Variants in PRLR observed in about 807,000 individuals in gnomAD.
The protein encoded by PRLR is hPRL receptor.
Under a neutral mutation model 40.2 loss-of-function variants are expected in PRLR, and 13 were observed. The ratio of observed to expected loss-of-function variants is 0.32; its 90% CI spans 0.21 to 0.51. The LOEUF (loss-of-function observed/expected upper bound fraction) is 0.51, where lower values mean the gene tolerates loss of function less well. Ranked by LOEUF, PRLR falls within the 20% of genes least tolerant of loss-of-function variation. The probability of loss-of-function intolerance (pLI) is 0.97; values close to 1 mark genes in which losing one functional copy is unlikely to be tolerated. For missense variants in PRLR, 656 were observed against 747.3 expected (o/e 0.88, Z 1.42); for synonymous variants, 269 against 278.7 (o/e 0.97, Z 0.35).
At chr5:35,118,675 T>G (rs955917295) in intron 1 of PRLR, among the ~76,000 whole-genome samples, 1 of 152,154 alleles carries the variant, frequency 6.6e-6, no homozygotes, top group Non-Finnish European at 1.5e-5. Flanking sequence ...TCTTAACAAA[T>G]TCTGACATAG....
chr5:35,115,623 G>A (rs532582093), intron 2 of PRLR, among the ~76,000 whole-genome samples: 5 of 151,904 alleles, frequency 3.3e-5, no homozygotes, highest in African/African-American at 4.8e-5. Flanking sequence ...TGGGGGCCTG[G>A]GAAAGGGCTG....
At chr5:35,128,863 T>C (rs1352402870) in intron 1 of PRLR, among the ~76,000 whole-genome samples, 1 of 152,194 alleles carries the variant, frequency 6.6e-6, no homozygotes, top group East Asian at 1.9e-4. Flanking sequence ...CAGAGATAAT[T>C]GGCTCTCTGC....
intron 1 of PRLR, among the ~76,000 whole-genome samples, chr5:35,228,242 A>G (rs1487270421): frequency 7.5e-6 from 1 of 133,270 alleles, no homozygotes; most frequent in Non-Finnish European, 1.7e-5. Flanking sequence ...CAAAAAAAAA[A>G]AAAAAAAAAA....
chr5:35,178,264 A>G (rs1775201708), intron 1 of PRLR, among the ~76,000 whole-genome samples: 1 of 152,216 alleles, frequency 6.6e-6, no homozygotes, highest in African/African-American at 2.4e-5. Context: ...GTATTTCTAC[A>G]CACAGTAGAT....
intron 1 of PRLR, among the ~76,000 whole-genome samples, chr5:35,124,343 T>C (rs1034167878): frequency 1.3e-5 from 2 of 151,512 alleles, no homozygotes; most frequent in Non-Finnish European, 2.9e-5. Flanking sequence ...AATGGGCCAC[T>C]CTGGTAGGAG....
At chr5:35,203,827 A>T (rs1184046041) in intron 1 of PRLR, among the ~76,000 whole-genome samples, 1 of 129,474 alleles carries the variant, frequency 7.7e-6, no homozygotes, top group African/African-American at 2.6e-5. Context: ...CCAAAAGCTC[A>T]GCATTGCTAT....
chr5:35,165,393 C>CA (rs755924565), intron 1 of PRLR, among the ~76,000 whole-genome samples: 3 of 152,098 alleles, frequency 2.0e-5, no homozygotes, highest in East Asian at 1.9e-4. Context: ...TGCATTGTAC[C>CA]AATAGGCAAG....
At chr5:35,145,261 T>C (rs9292571) in intron 1 of PRLR, among the ~76,000 whole-genome samples, 129,418 of 152,092 alleles carry the variant, frequency 0.85, 56,683 homozygotes, top group South Asian at 0.96. Flanking sequence ...GGTTGTCCTG[T>C]GGGTGATTTA....
rs1300710778 is a variant in PRLR at position 35,086,210 on chromosome 5, T to C, written c.201A>G (p.Glu67=). 40 of 1,613,774 alleles carry C rather than the reference T, an allele frequency of 2.5e-5. No homozygotes were observed. The highest frequency in any genetic ancestry group is 3.4e-5 in the Non-Finnish European group (40 of 1,179,886). The part of the protein sequence containing the change: ...PTNYSLTYHR[E]GETLMHECPD... ...TAGGAGAGAAGGGAACTTCTTACCCTTCCCTGTGGTAAGTCAGTGAATAAT... is the reference window on the plus strand; with the variant it reads ...TAGGAGAGAAGGGAACTTCTTACCCCTCCCTGTGGTAAGTCAGTGAATAAT... The change falls in exon 4 of 10, where the codon GAA becomes GAG. Residue 67 remains glutamate (E), a splice_region_variant and synonymous_variant. Transcript: ENST00000618457.
At chr5:35,074,226 T>C (rs1406620547) in intron 5 of PRLR, among the ~76,000 whole-genome samples, 1 of 152,016 alleles carries the variant, frequency 6.6e-6, no homozygotes, top group Non-Finnish European at 1.5e-5. Flanking sequence ...TTTGGGAGGC[T>C]GAGGCAGGTG....
At chr5:35,212,109 G>A (rs1300547918) in intron 1 of PRLR, among the ~76,000 whole-genome samples, 2 of 152,130 alleles carry the variant, frequency 1.3e-5, no homozygotes, top group Non-Finnish European at 2.9e-5. Context: ...TAATATTTGA[G>A]GTCCACATTA....
Position 35,055,727 on chromosome 5 carries a change from C to T in PRLR, c.*9362G>A, listed in dbSNP as rs764755106. The T allele has an allele frequency of 3.9e-5, 6 of 152,048 alleles. No homozygotes were observed. The highest frequency in any genetic ancestry group is 1.4e-4 in the African/African-American group (6 of 41,386). The allele number at this position is 152,048 out of a possible 1,614,324, so 9.4% of individuals were successfully genotyped here. On this transcript the variant is annotated 3_prime_UTR_variant, in exon 10 of 10. Coordinates refer to ENST00000618457, the MANE Select transcript of PRLR (RefSeq NM_000949.7). ...TTGCTCAGGTAATAATTTATTAAGT[C>T]AATTTAAACTAAACATTACTACCAT...
chr5:35,195,147 C>T (rs1266640827), intron 1 of PRLR: 1 of 152,230 alleles, frequency 6.6e-6, no homozygotes, highest in Admixed American at 6.5e-5. Flanking sequence ...TTCAGAGTTC[C>T]CTGTCTGGCC....
intron 1 of PRLR, among the ~76,000 whole-genome samples, chr5:35,161,314 T>A (rs2111906192): frequency 6.6e-6 from 1 of 152,328 alleles, no homozygotes; most frequent in South Asian, 2.1e-4. Flanking sequence ...GAGCTGGTAA[T>A]AACTTCATTT....
intron 1 of PRLR, among the ~76,000 whole-genome samples, chr5:35,214,233 A>G (rs889186110): frequency 2.0e-5 from 3 of 152,164 alleles, no homozygotes; most frequent in Non-Finnish European, 2.9e-5. Flanking sequence ...TCCCTTGAGG[A>G]GTTTTCCTCC....
chr5:35,199,876 G>C (rs575993451), intron 1 of PRLR, among the ~76,000 whole-genome samples: 1 of 152,332 alleles, frequency 6.6e-6, no homozygotes, highest in Non-Finnish European at 1.5e-5. Flanking sequence ...ACTCAGGACT[G>C]AGTGAATATA....
downstream of PRLR, among the ~76,000 whole-genome samples, chr5:35,051,321 T>C (rs1366283716): frequency 6.6e-6 from 1 of 152,222 alleles, no homozygotes; most frequent in African/African-American, 2.4e-5. Context: ...AGATAATTTA[T>C]GTGGGGAAGA....
At chr5:35,106,173 T>G (rs1772234888) in intron 2 of PRLR, among the ~76,000 whole-genome samples, 1 of 152,162 alleles carries the variant, frequency 6.6e-6, no homozygotes, top group Non-Finnish European at 1.5e-5. Flanking sequence ...GACAAGCAAG[T>G]GCTGAGAGAT....
intron 1 of PRLR, among the ~76,000 whole-genome samples, chr5:35,153,555 T>C (rs561017084): frequency 2.3e-3 from 348 of 152,312 alleles, no homozygotes; most frequent in Non-Finnish European, 3.6e-3. Context: ...TGGTATTATA[T>C]AACAAGCAAA....
Sources: gnomAD v4.1 joint callset for allele counts (sites outside exome capture counted in the v4.1 genomes callset) on GRCh38, gnomAD v4.1.1 for gene constraint, MANE v1.5 for transcripts, NCBI Gene and HGNC (gene_info 2026-07-23, HGNC 2026-07-21) for gene names.